Variants in RASGEF1C observed in about 807,000 individuals in gnomAD.
RASGEF1C encodes the protein ras-GEF domain-containing family member 1C.
RASGEF1C carries 27 observed loss-of-function variants against 58.1 expected under a neutral mutation model. The ratio of observed to expected loss-of-function variants is 0.46; its 90% CI spans 0.34 to 0.64. The LOEUF (loss-of-function observed/expected upper bound fraction) is 0.64, where lower values mean the gene tolerates loss of function less well. RASGEF1C is among the 30% of genes least tolerant of loss of function. RASGEF1C has a pLI of 0.01. For missense variants in RASGEF1C, 502 were observed against 605.1 expected (o/e 0.83, Z 1.79); for synonymous variants, 243 against 246.3 (o/e 0.99, Z 0.13).
chr5:180,180,871 G>GC (rs1767313066), intron 1 of RASGEF1C, among the ~76,000 whole-genome samples: 1 of 152,170 alleles, frequency 6.6e-6, no homozygotes, highest in East Asian at 1.9e-4. Context: ...GTCCACCTGT[G>GC]CCCCTCTTCA....
At chr5:180,202,292 T>C (rs1020589096) in intron 1 of RASGEF1C, among the ~76,000 whole-genome samples, 3 of 152,158 alleles carry the variant, frequency 2.0e-5, no homozygotes, top group African/African-American at 7.2e-5. Flanking sequence ...AAACATATTA[T>C]TGGCATCTCT....
chr5:180,105,290 C>T (rs746875106), intron 12 of RASGEF1C, among the ~76,000 whole-genome samples: 6 of 152,116 alleles, frequency 3.9e-5, no homozygotes, highest in Admixed American at 1.3e-4. Context: ...TTGCCAGGCG[C>T]GGTGGCTCAC....
rs1211323442 is a variant in RASGEF1C at position 180,120,662 on chromosome 5, G to GC, written c.804+397dup. Among the ~76,000 whole-genome samples, 7 of 151,348 alleles carry GC rather than the reference G, an allele frequency of 4.6e-5. No individual in the cohort carries two copies. The South Asian group carries it at 1.2e-3, about 27-fold the overall frequency. ...CAGCTAGAACCACGGGCTTTTACGT[G>GC]CATCTCCCAGTGCTCAAAGGTCGGC... On this transcript the variant is annotated intron_variant, in intron 7 of 13. Transcript: ENST00000361132.
At chr5:180,181,143 A>G (rs1767317367) in intron 1 of RASGEF1C, among the ~76,000 whole-genome samples, 1 of 152,254 alleles carries the variant, frequency 6.6e-6, no homozygotes, top group African/African-American at 2.4e-5. Context: ...ACTGGCAGTC[A>G]GGCAGTGCCT....
intron 1 of RASGEF1C, among the ~76,000 whole-genome samples, chr5:180,189,098 T>C (rs1220488639): frequency 1.3e-5 from 2 of 152,226 alleles, no homozygotes; most frequent in Non-Finnish European, 2.9e-5. Context: ...TCCAGCAAGA[T>C]TCCAAGATAT....
intron 1 of RASGEF1C, among the ~76,000 whole-genome samples, chr5:180,173,869 T>A (rs10455079): frequency 0.19 from 28,974 of 149,158 alleles, 3,300 homozygotes; most frequent in Non-Finnish European, 0.25. Flanking sequence ...GCTGAGATTG[T>A]GCCACTGCAC....
chr5:180,183,846 AAATAGATTTCAG>A (rs901730900), intron 1 of RASGEF1C, among the ~76,000 whole-genome samples: 4 of 151,690 alleles, frequency 2.6e-5, no homozygotes, highest in Non-Finnish European at 5.9e-5. Flanking sequence ...ATAAATAAAT[AAATAGATTTCAG>A]AATAGATTTC....
chr5:180,108,190 T>G (rs1023567080), intron 12 of RASGEF1C, among the ~76,000 whole-genome samples: 1 of 149,748 alleles, frequency 6.7e-6, no homozygotes, highest in African/African-American at 2.5e-5. Context: ...TGTTTCAGTC[T>G]ATTTTCTTTC....
At chr5:180,118,907 C>T (rs568718625) in intron 8 of RASGEF1C, 41 bp from the exon 9 acceptor site, 4 of 1,584,744 alleles carry the variant, frequency 2.5e-6, no homozygotes, top group African/African-American at 2.7e-5. Context: ...GCTCCTGGGA[C>T]AGGGGGGCCT....
chr5:180,139,277 C>T (rs1766537414), intron 1 of RASGEF1C, among the ~76,000 whole-genome samples: 1 of 152,254 alleles, frequency 6.6e-6, no homozygotes, highest in South Asian at 2.1e-4. Context: ...TAGACAGCCC[C>T]TACATTCTTG....
At chr5:180,153,561 C>T (rs1395847494) in intron 1 of RASGEF1C, among the ~76,000 whole-genome samples, 1 of 152,204 alleles carries the variant, frequency 6.6e-6, no homozygotes, top group African/African-American at 2.4e-5. Flanking sequence ...CCTGCTACTC[C>T]ACCGTCTTCC....
chr5:180,114,548 G>C lies in RASGEF1C; in HGVS notation c.1084-7C>G. ...TGAAGAAAGGAATGACAATCTGGAA[G>C]AAAGAGGGGGCAGGTCGGCCCCAGC... On this transcript the variant is annotated splice_region_variant and splice_polypyrimidine_tract_variant and intron_variant, in intron 10 of 13. Transcript: ENST00000361132. The C allele has an allele frequency of 6.2e-7, 1 of 1,608,030 alleles. No individual in the cohort carries two copies. Among genetic ancestry groups the C allele is most frequent in the Non-Finnish European group, 8.5e-7 (1 of 1,176,186 alleles).
At chr5:180,121,338 G>C (rs1048653269) in intron 6 of RASGEF1C, among the ~76,000 whole-genome samples, 189 bp from the exon 7 acceptor site, 4 of 151,356 alleles carry the variant, frequency 2.6e-5, no homozygotes, top group Non-Finnish European at 5.9e-5. Context: ...TTTTGAGACG[G>C]AGTCCCGCTC....
At chr5:180,118,330 C>T (rs1013123068) in intron 10 of RASGEF1C, among the ~76,000 whole-genome samples, 14 of 151,468 alleles carry the variant, frequency 9.2e-5, no homozygotes, top group African/African-American at 1.5e-4. Context: ...GAGCAGAAGA[C>T]GAAGTGGCCT....
intron 6 of RASGEF1C, among the ~76,000 whole-genome samples, chr5:180,126,794 A>C (rs1309652013): frequency 6.6e-6 from 1 of 152,128 alleles, no homozygotes; most frequent in East Asian, 1.9e-4. Flanking sequence ...GTTCGTGTAC[A>C]TGGGTGTGTA....
intron 4 of RASGEF1C, among the ~76,000 whole-genome samples, chr5:180,132,969 G>GAAA (rs34307583): frequency 9.1e-5 from 9 of 99,198 alleles, no homozygotes; most frequent in Non-Finnish European, 1.2e-4. Context: ...CTCCGTCTCA[G>GAAA]AAAAAAAAAA....
intron 10 of RASGEF1C, among the ~76,000 whole-genome samples, chr5:180,114,919 G>C (rs560958969): frequency 2.0e-5 from 3 of 152,224 alleles, no homozygotes; most frequent in Non-Finnish European, 4.4e-5. Context: ...CCCATCCAAA[G>C]GTCCACAGGC....
chr5:180,170,740 G>T (rs1473485674), intron 1 of RASGEF1C, among the ~76,000 whole-genome samples: 1 of 152,228 alleles, frequency 6.6e-6, no homozygotes. Flanking sequence ...TCCCTCCCGG[G>T]CCTGCCTGCC....
chr5:180,160,500 T>TCC (rs1194297042), intron 1 of RASGEF1C, among the ~76,000 whole-genome samples: 1 of 152,088 alleles, frequency 6.6e-6, no homozygotes, highest in Non-Finnish European at 1.5e-5. Flanking sequence ...TCCACCTGGC[T>TCC]CCCCAAGGCA....
Sources: allele counts gnomAD v4.1 joint callset (sites outside exome capture counted in the v4.1 genomes callset), GRCh38; gene constraint gnomAD v4.1.1; transcripts MANE v1.5; gene names NCBI Gene and HGNC (gene_info 2026-07-23, HGNC 2026-07-21).